Variants in NRXN3 observed in about 807,000 individuals in gnomAD.
The protein encoded by NRXN3 is neurexin 3.
Under a neutral mutation model 137.6 loss-of-function variants are expected in NRXN3, and 32 were observed. The observed-to-expected ratio is 0.23, with a 90% confidence interval of 0.18 to 0.31. The LOEUF is 0.31. Ranked by LOEUF, NRXN3 falls within the 10% of genes least tolerant of loss-of-function variation. The pLI is 1.00. For synonymous variants in NRXN3, 798 were observed against 784.5 expected, an observed-to-expected ratio of 1.02 and a Z score of -0.29; for missense variants, 1,574 against 2,062.5, an observed-to-expected ratio of 0.76 and a Z score of 4.59.
chr14:79,426,621 C>T (rs940947303), intron 15 of NRXN3, among the ~76,000 whole-genome samples: 12 of 152,156 alleles, frequency 7.9e-5, no homozygotes, highest in African/African-American at 2.9e-4. Context: ...GGTTAACGTG[C>T]TGTGTTTATT....
intron 15 of NRXN3, among the ~76,000 whole-genome samples, chr14:79,177,573 G>A (rs958851269): frequency 6.6e-6 from 1 of 152,156 alleles, no homozygotes; most frequent in African/African-American, 2.4e-5. Flanking sequence ...GAGTACCCAA[G>A]GCTGCAATCT....
At chr14:78,535,881 G>A (rs2096530906) in intron 4 of NRXN3, among the ~76,000 whole-genome samples, 1 of 152,136 alleles carries the variant, frequency 6.6e-6, no homozygotes, top group African/African-American at 2.4e-5. Context: ...ACCAAGAAAT[G>A]CTATTTGTGG....
intron 15 of NRXN3, 50 bp downstream of exon 15, chr14:78,988,191 T>C: frequency 6.2e-7 from 1 of 1,608,988 alleles, no homozygotes; most frequent in Non-Finnish European, 8.5e-7. Flanking sequence ...TGTTTGGAGA[T>C]TTGGAGAATC....
chr14:78,661,450 G>A (rs79278047), intron 6 of NRXN3, among the ~76,000 whole-genome samples: 2 of 152,270 alleles, frequency 1.3e-5, no homozygotes, highest in East Asian at 1.9e-4. Context: ...CTGATTAAGT[G>A]GATTTTTTTG....
intron 15 of NRXN3, among the ~76,000 whole-genome samples, chr14:79,260,232 A>T (rs1271943639): frequency 6.6e-6 from 1 of 152,202 alleles, no homozygotes; most frequent in Non-Finnish European, 1.5e-5. Flanking sequence ...ATATCTATAA[A>T]TTATATTTTA....
chr14:78,743,711 G>C (rs2098593521), intron 8 of NRXN3, among the ~76,000 whole-genome samples: 1 of 152,186 alleles, frequency 6.6e-6, no homozygotes, highest in Non-Finnish European at 1.5e-5. Context: ...GGGCAAAGGA[G>C]AGAAGAAAAG....
intron 16 of NRXN3, among the ~76,000 whole-genome samples, chr14:79,552,975 T>C (rs1373264798): frequency 1.4e-5 from 2 of 143,538 alleles, no homozygotes; most frequent in Admixed American, 6.9e-5. Flanking sequence ...TCAAAGACCA[T>C]TGCATTCCTT....
chr14:79,025,465 G>A (rs927318302), intron 15 of NRXN3, among the ~76,000 whole-genome samples: 2 of 152,052 alleles, frequency 1.3e-5, no homozygotes, highest in Non-Finnish European at 2.9e-5. Context: ...AACTCACTGC[G>A]TGTGTTCCCC....
chr14:79,235,779 A>T (rs538994674), intron 15 of NRXN3, among the ~76,000 whole-genome samples: 1 of 152,280 alleles, frequency 6.6e-6, no homozygotes, highest in Admixed American at 6.5e-5. Flanking sequence ...AAGCAAAATG[A>T]TTAGGTATGG....
At chr14:78,652,822 G>A (rs1038486328) in intron 6 of NRXN3, among the ~76,000 whole-genome samples, 7 of 152,202 alleles carry the variant, frequency 4.6e-5, no homozygotes, top group Admixed American at 4.6e-4. Context: ...ACTAAATTTG[G>A]TGGCTCTTTT....
chr14:78,732,708 TG>T (rs1205565857), intron 8 of NRXN3, among the ~76,000 whole-genome samples: 2 of 152,156 alleles, frequency 1.3e-5, no homozygotes, highest in Non-Finnish European at 2.9e-5. Flanking sequence ...TTATTTTAGA[TG>T]GGCTTAAAAC....
At position 78,915,467 on chromosome 14, in the gene NRXN3, A is replaced by G. The variant is rs181513554; in HGVS notation, c.2276-41775A>G. On this transcript the variant is annotated intron_variant, in intron 10 of 20. Coordinates refer to ENST00000335750, the MANE Select transcript of NRXN3 (RefSeq NM_001330195.2). The stretch of plus-strand genomic sequence containing the variant: ...AGTATTCAATTTTCTGTTTAGTACC[A>G]TTTATTCAGTGTTCAGTGTCAATGA... Among the ~76,000 whole-genome samples, 407 of 151,980 alleles carry G rather than the reference A, an allele frequency of 2.7e-3. 1 individual carries two copies. Among genetic ancestry groups the G allele is most frequent in the Middle Eastern group, 0.014 (4 of 294 alleles).
intron 15 of NRXN3, among the ~76,000 whole-genome samples, chr14:79,203,878 G>T (rs1295567769): frequency 6.6e-6 from 1 of 152,120 alleles, no homozygotes; most frequent in African/African-American, 2.4e-5. Flanking sequence ...ATGGAGTGTT[G>T]GCAAATGTTT....
At chr14:79,619,052 A>G (rs1255052121) in intron 16 of NRXN3, among the ~76,000 whole-genome samples, 1 of 151,796 alleles carries the variant, frequency 6.6e-6, no homozygotes, top group Non-Finnish European at 1.5e-5. Flanking sequence ...TAATGGAGTT[A>G]TTTGATTTTT....
At chr14:79,403,744 C>T (rs988348220) in intron 15 of NRXN3, among the ~76,000 whole-genome samples, 4 of 152,176 alleles carry the variant, frequency 2.6e-5, no homozygotes, top group African/African-American at 9.6e-5. Context: ...TGGTGAGGGA[C>T]ATCTCTGAGA....
chr14:78,403,813 G>T (rs897695118), intron 4 of NRXN3: 8 of 985,266 alleles, frequency 8.1e-6, no homozygotes, highest in Non-Finnish European at 9.6e-6. Flanking sequence ...CCCTGAGGTT[G>T]TGCTTTCTCA....
chr14:79,571,772 A>C (rs2097605488), intron 16 of NRXN3, among the ~76,000 whole-genome samples: 1 of 152,196 alleles, frequency 6.6e-6, no homozygotes, highest in Non-Finnish European at 1.5e-5. Flanking sequence ...AGTCTGTAGT[A>C]GAAAATTTCT....
At chr14:78,268,231 C>T (rs1053763698) in intron 2 of NRXN3, among the ~76,000 whole-genome samples, 4 of 152,092 alleles carry the variant, frequency 2.6e-5, no homozygotes, top group Non-Finnish European at 5.9e-5. Context: ...TATTAAAAAA[C>T]AAACTTGGTG....
intron 15 of NRXN3, among the ~76,000 whole-genome samples, chr14:79,327,473 A>T (rs1019413788): frequency 6.6e-6 from 1 of 152,136 alleles, no homozygotes; most frequent in Non-Finnish European, 1.5e-5. Context: ...AACACCCTGC[A>T]ACAATGGCTG....
Sources: gnomAD v4.1 joint callset for allele counts (sites outside exome capture counted in the v4.1 genomes callset) on GRCh38, gnomAD v4.1.1 for gene constraint, MANE v1.5 for transcripts, NCBI Gene and HGNC (gene_info 2026-07-23, HGNC 2026-07-21) for gene names.